The following NAA38 variants were observed in gnomAD, a reference collection of about 807,000 sequenced individuals.
The protein encoded by NAA38 is LSM domain containing 1.
Under a neutral mutation model 12.6 loss-of-function variants are expected in NAA38, and 15 were observed. That is an observed-to-expected ratio of 1.19 (90% CI 0.79 to 1.83). The LOEUF is 1.83. NAA38 is among the 40% of genes most tolerant of loss of function. The pLI is 0.00. For synonymous variants in NAA38, 88 were observed against 69.9 expected, an observed-to-expected ratio of 1.26 and a Z score of -1.29; for missense variants, 183 against 171.7, an observed-to-expected ratio of 1.07 and a Z score of -0.37.
chr17:7,883,077 T>C (rs1279780902), intron 2 of NAA38, among the ~76,000 whole-genome samples: 1 of 152,244 alleles, frequency 6.6e-6, no homozygotes, highest in Non-Finnish European at 1.5e-5. Flanking sequence ...GATCATTTTC[T>C]GTCTAGACCT....
chr17:7,863,021 G>C (rs1025085349), upstream of NAA38: 2 of 152,142 alleles, frequency 1.3e-5, no homozygotes, highest in African/African-American at 4.8e-5. Flanking sequence ...ACAAGCACAT[G>C]GCAGGAAAGG....
intron 2 of NAA38, among the ~76,000 whole-genome samples, chr17:7,871,792 A>C (rs1597880665): frequency 6.6e-6 from 1 of 152,120 alleles, no homozygotes; most frequent in Non-Finnish European, 1.5e-5. Context: ...GTAGCTGGGA[A>C]TACAAGCACG....
rs750869109 is a variant in NAA38 at position 7,857,144 on chromosome 17, C to T, written c.136G>A (p.Glu46Lys). The T allele has an allele frequency of 1.9e-6, 3 of 1,613,126 alleles. No homozygotes were observed. Among genetic ancestry groups the T allele is most frequent in the East Asian group, 4.5e-5 (2 of 44,842 alleles). ...SAAERARQQL[E>K]ALLNKTMRIR... ...CGCATAGTCTTGTTGAGCAGCGCCT[C>T]TAGCTGCTGTCGGGCGCGCTCAGCC... Residue 46 changes from glutamate (E) to lysine (K), a missense_variant, in exon 2 of 3, where the codon GAG becomes AAG. By Grantham distance (56) the Glu-to-Lys change is moderately conservative (BLOSUM62 1). Transcript: ENST00000575771.
chr17:7,867,179 A>G (rs1966998962), intron 2 of NAA38, among the ~76,000 whole-genome samples: 1 of 152,142 alleles, frequency 6.6e-6, no homozygotes, highest in African/African-American at 2.4e-5. Context: ...AGCTAAGAGG[A>G]AAGCGGGAGG....
chr17:7,884,464 ATATATATATATATG>A (rs1967435907), intron 1 of NAA38, among the ~76,000 whole-genome samples: 1 of 142,988 alleles, frequency 7.0e-6, no homozygotes, highest in Admixed American at 7.1e-5. Context: ...ATACATATAT[ATATATATATATATG>A]TATATATATA....
chr17:7,881,814 A>G (rs1967277500), intron 2 of NAA38, among the ~76,000 whole-genome samples: 1 of 150,874 alleles, frequency 6.6e-6, no homozygotes, highest in African/African-American at 2.4e-5. Context: ...GCAGGCTAAA[A>G]AAGTGATAGA....
chr17:7,866,995 C>T (rs956005110), intron 2 of NAA38, among the ~76,000 whole-genome samples: 2 of 152,170 alleles, frequency 1.3e-5, no homozygotes, highest in Non-Finnish European at 2.9e-5. Flanking sequence ...ACCAAGCCTT[C>T]TGGGGAAGTA....
At chr17:7,873,843 A>G (rs1178497688) in intron 2 of NAA38, among the ~76,000 whole-genome samples, 1 of 152,216 alleles carries the variant, frequency 6.6e-6, no homozygotes, top group East Asian at 1.9e-4. Flanking sequence ...CCATTATGAT[A>G]TTAAAATGAA....
intron 2 of NAA38, among the ~76,000 whole-genome samples, chr17:7,881,086 G>T (rs1018761755): frequency 3.3e-5 from 5 of 152,146 alleles, no homozygotes; most frequent in Non-Finnish European, 7.3e-5. Flanking sequence ...CAAGCAAAAA[G>T]ACTTGTATAT....
intron 1 of NAA38, 63 bp from the exon 2 acceptor site, chr17:7,857,261 G>A (rs759175259): frequency 3.1e-6 from 5 of 1,609,772 alleles, no homozygotes; most frequent in Non-Finnish European, 3.4e-6. Context: ...CGGAACCACA[G>A]CTCCCGGCAG....
intron 2 of NAA38, among the ~76,000 whole-genome samples, chr17:7,868,551 A>G (rs1178169992): frequency 6.6e-6 from 1 of 152,220 alleles, no homozygotes; most frequent in Admixed American, 6.5e-5. Flanking sequence ...AGATGACAGT[A>G]GGGCAACAGG....
chr17:7,860,725 G>C (rs1384553324), upstream of NAA38: 2 of 152,186 alleles, frequency 1.3e-5, no homozygotes, highest in Non-Finnish European at 2.9e-5. Context: ...TATTGTCTCT[G>C]GAAGGGAGTT....
At chr17:7,857,757 C>T, upstream of NAA38, 1 of 1,277,472 alleles carries the variant, frequency 7.8e-7, no homozygotes, top group Non-Finnish European at 9.9e-7. Flanking sequence ...TTTCATACTG[C>T]CTCCTCCCTT....
intron 2 of NAA38, among the ~76,000 whole-genome samples, chr17:7,876,185 T>C (rs971773882): frequency 3.3e-5 from 5 of 152,148 alleles, no homozygotes; most frequent in African/African-American, 1.2e-4. Flanking sequence ...GGTAGCTCTA[T>C]ATTTAACTTT....
intron 2 of NAA38, among the ~76,000 whole-genome samples, chr17:7,879,644 C>CA (rs60567872): frequency 5.3e-5 from 8 of 151,550 alleles, no homozygotes; most frequent in South Asian, 2.1e-4. Context: ...CTCATTAAAA[C>CA]AAAAAAAATA....
At chr17:7,858,614 G>A, upstream of NAA38, 1 of 1,605,408 alleles carries the variant, frequency 6.2e-7, no homozygotes, top group Non-Finnish European at 8.5e-7. Context: ...AGATCCGCAA[G>A]CACATAGATC....
rs745419193 is a variant in NAA38 at position 7,857,031 on chromosome 17, C to G, written c.249G>C (p.Glu83Asp). 6.2e-7 allele frequency: 1 copy of G among 1,609,696 alleles called. No homozygotes were observed. The highest frequency in any genetic ancestry group is 8.5e-7 in the Non-Finnish European group (1 of 1,177,300). ...DCNVILGSAQEFLKPSDSFSA... is the reference protein window; with the variant it reads ...DCNVILGSAQDFLKPSDSFSA... The stretch of plus-strand genomic sequence containing the variant: ...GGCACTGACCCGACGGCTTGAGGAA[C>G]TCCTGCGCCGAGCCCAGGATGACAT... The change falls in exon 2 of 3, where the codon GAG becomes GAC. Residue 83 changes from glutamate to aspartate, a missense_variant. Glu to Asp is a conservative substitution (Grantham distance 45). Coordinates refer to ENST00000575771, the MANE Select transcript of NAA38 (RefSeq NM_001320925.4).
chr17:7,858,602 A>G (rs765723618), upstream of NAA38: 1 of 1,606,036 alleles, frequency 6.2e-7, no homozygotes, highest in East Asian at 2.2e-5. Context: ...ACCCTCCTTT[A>G]AAGATCCGCA....
intron 2 of NAA38, among the ~76,000 whole-genome samples, chr17:7,874,579 G>A (rs530750681): frequency 6.6e-6 from 1 of 152,168 alleles, no homozygotes; most frequent in South Asian, 2.1e-4. Context: ...AGGGAATCTG[G>A]AGGCAACAGT....
Sources: gnomAD v4.1 joint callset for allele counts (sites outside exome capture counted in the v4.1 genomes callset) on GRCh38, gnomAD v4.1.1 for gene constraint, MANE v1.5 for transcripts, NCBI Gene and HGNC (gene_info 2026-07-23, HGNC 2026-07-21) for gene names.